Variants in SORCS3 observed in about 807,000 individuals in gnomAD.
The protein encoded by SORCS3 is VPS10 domain-containing receptor SorCS3.
SORCS3 carries 57 observed loss-of-function variants against 146.3 expected under a neutral mutation model. That is an observed-to-expected ratio of 0.39 (90% CI 0.31 to 0.49). The LOEUF (loss-of-function observed/expected upper bound fraction) is 0.49. Among genes scored for constraint, SORCS3 ranks in the 20% least tolerant of loss-of-function variants. SORCS3 has a pLI of 0.92. For synonymous variants in SORCS3, 653 were observed against 618.5 expected, an observed-to-expected ratio of 1.06 and a Z score of -0.83; for missense variants, 1,341 against 1,575.5, an observed-to-expected ratio of 0.85 and a Z score of 2.52.
chr10:104,758,707 C>A (rs555792867), intron 1 of SORCS3, among the ~76,000 whole-genome samples: 44 of 152,146 alleles, frequency 2.9e-4, no homozygotes, highest in Non-Finnish European at 4.7e-4. Flanking sequence ...CTAGCTGGTA[C>A]TTTGGGATAT....
At chr10:104,735,797 A>G (rs2016764639) in intron 1 of SORCS3, among the ~76,000 whole-genome samples, 1 of 151,970 alleles carries the variant, frequency 6.6e-6, no homozygotes, top group Admixed American at 6.5e-5. Flanking sequence ...TCCAGCCAGG[A>G]CTTAGGTTTC....
At chr10:104,977,810 T>C (rs969732081) in intron 4 of SORCS3, among the ~76,000 whole-genome samples, 1 of 150,066 alleles carries the variant, frequency 6.7e-6, no homozygotes, top group Admixed American at 6.7e-5. Flanking sequence ...TGGCTCACTG[T>C]AACCTCTGCC....
chr10:105,204,707 A>AG (rs1271182562), intron 16 of SORCS3, among the ~76,000 whole-genome samples: 1 of 151,992 alleles, frequency 6.6e-6, no homozygotes, highest in Non-Finnish European at 1.5e-5. Context: ...AAACAAAAAA[A>AG]AAACTCACAC....
chr10:105,226,501 A>G lies in SORCS3; in HGVS notation c.2868+3252A>G, dbSNP rs148696878. Among the ~76,000 whole-genome samples the G allele has an allele frequency of 2.2e-3, 339 of 152,044 alleles. 3 individuals are homozygous for G. Among genetic ancestry groups the G allele is most frequent in the African/African-American group, 7.8e-3 (322 of 41,532 alleles). On this transcript the variant is annotated intron_variant, in intron 20 of 26. Transcript: ENST00000369701. Reference sequence around the variant, plus strand: ...TTTCAATCCTATATTCATCGAGCCTATTGGCCCATAGTTTTCTTTTTTTGT... The same window carrying G: ...TTTCAATCCTATATTCATCGAGCCTGTTGGCCCATAGTTTTCTTTTTTTGT...
intron 1 of SORCS3, among the ~76,000 whole-genome samples, chr10:104,670,802 C>T (rs888885746): frequency 5.3e-5 from 8 of 152,134 alleles, no homozygotes; most frequent in African/African-American, 1.9e-4. Context: ...TTAAGTCTCT[C>T]GTTCATGAAC....
intron 4 of SORCS3, among the ~76,000 whole-genome samples, chr10:105,022,313 T>TTTTC (rs1554869672): frequency 7.5e-6 from 1 of 133,814 alleles, no homozygotes; most frequent in Admixed American, 7.3e-5. Flanking sequence ...TTTTTTTTTT[T>TTTTC]CGAGACGGAG....
chr10:105,103,165 T>C (rs752934023), intron 6 of SORCS3, among the ~76,000 whole-genome samples: 3 of 152,260 alleles, frequency 2.0e-5, no homozygotes, highest in Middle Eastern at 3.4e-3. Flanking sequence ...GGAGGAGCAG[T>C]TCCCCCTTAA....
At chr10:104,831,620 A>G (rs1049593550) in intron 1 of SORCS3, among the ~76,000 whole-genome samples, 6 of 152,240 alleles carry the variant, frequency 3.9e-5, no homozygotes, top group Non-Finnish European at 5.9e-5. Context: ...TGTCCAAGCA[A>G]CGTGGTCAGG....
chr10:104,754,295 C>T (rs1378196028), intron 1 of SORCS3, among the ~76,000 whole-genome samples: 1 of 152,116 alleles, frequency 6.6e-6, no homozygotes, highest in Non-Finnish European at 1.5e-5. Flanking sequence ...TCATCCGGGG[C>T]CCCTGTTAAA....
chr10:105,212,350 C>G (rs2056639029), intron 17 of SORCS3, among the ~76,000 whole-genome samples: 1 of 152,086 alleles, frequency 6.6e-6, no homozygotes, highest in Non-Finnish European at 1.5e-5. Context: ...AATTGCAGAT[C>G]CAACAGCATG....
chr10:104,815,012 A>G (rs1337580622), intron 1 of SORCS3, among the ~76,000 whole-genome samples: 7 of 152,128 alleles, frequency 4.6e-5, no homozygotes, highest in Admixed American at 4.6e-4. Flanking sequence ...AGGAAGAGGG[A>G]AGACACAATC....
chr10:105,105,466 C>T lies in SORCS3; in HGVS notation c.1163C>T (p.Ser388Phe). Reference sequence around the variant, plus strand: ...ACTAGAAGTGGGCCTTTTGCCCGCTCCATTGACATCAGTTCCCTGGTTGTC... The same window carrying T: ...ACTAGAAGTGGGCCTTTTGCCCGCTTCATTGACATCAGTTCCCTGGTTGTC... Reference protein sequence around the residue: ...ETTRSGPFARSIDISSLVVQD... With the variant: ...ETTRSGPFARFIDISSLVVQD... Residue 388 changes from serine (S) to phenylalanine (F), a missense_variant, in exon 7 of 27, where the codon TCC (serine) becomes TTC (phenylalanine). Transcript: ENST00000369701. 6.2e-7 allele frequency: 1 copy of T among 1,613,718 alleles called. No individual in the cohort carries two copies. The highest frequency in any genetic ancestry group is 8.5e-7 in the Non-Finnish European group (1 of 1,179,680).
At chr10:104,717,660 G>T (rs1023946659) in intron 1 of SORCS3, among the ~76,000 whole-genome samples, 9 of 152,160 alleles carry the variant, frequency 5.9e-5, no homozygotes, top group Admixed American at 3.9e-4. Context: ...TATTGTGCTT[G>T]TGAGATAGTC....
chr10:104,982,621 T>C (rs927223042), intron 4 of SORCS3, among the ~76,000 whole-genome samples: 1 of 152,212 alleles, frequency 6.6e-6, no homozygotes, highest in African/African-American at 2.4e-5. Context: ...AAATGATTTA[T>C]ATATAATTTA....
intron 1 of SORCS3, among the ~76,000 whole-genome samples, chr10:104,824,030 G>C (rs2017905952): frequency 6.6e-6 from 1 of 152,120 alleles, no homozygotes; most frequent in African/African-American, 2.4e-5. Context: ...TGTAGAAGCT[G>C]GGAAAAGAAA....
At chr10:104,726,451 G>A (rs1003059091) in intron 1 of SORCS3, among the ~76,000 whole-genome samples, 1 of 152,142 alleles carries the variant, frequency 6.6e-6, no homozygotes, top group Middle Eastern at 3.2e-3. Flanking sequence ...GGGTGATGAG[G>A]GTTGGGTAAG....
chr10:105,260,989 A>G (rs185192959), intron 25 of SORCS3, among the ~76,000 whole-genome samples: 107 of 152,340 alleles, frequency 7.0e-4, no homozygotes, highest in African/African-American at 2.4e-3. Context: ...GAAAGAGCAC[A>G]GGATTTAAGG....
chr10:104,843,140 A>G (rs938567707), intron 2 of SORCS3, among the ~76,000 whole-genome samples: 3 of 152,184 alleles, frequency 2.0e-5, no homozygotes, highest in Non-Finnish European at 4.4e-5. Flanking sequence ...GCCTGGCTAG[A>G]GAGATCAGAT....
At chr10:104,989,550 T>C (rs1239052722) in intron 4 of SORCS3, among the ~76,000 whole-genome samples, 1 of 152,076 alleles carries the variant, frequency 6.6e-6, no homozygotes, top group Non-Finnish European at 1.5e-5. Flanking sequence ...AGGGAGGAAG[T>C]AGTAGGTGGA....
Sources: allele counts gnomAD v4.1 joint callset (sites outside exome capture counted in the v4.1 genomes callset), GRCh38; gene constraint gnomAD v4.1.1; transcripts MANE v1.5; gene names NCBI Gene and HGNC (gene_info 2026-07-23, HGNC 2026-07-21).